The following PARD3B variants were observed in gnomAD, a reference collection of about 807,000 sequenced individuals.
The protein encoded by PARD3B is partitioning defective 3 homolog B.
In PARD3B, 103 loss-of-function variants were observed where a neutral mutation model predicts 130.2. The observed-to-expected ratio is 0.79, with a 90% CI of 0.67 to 0.93. The LOEUF is 0.93. Ranked by LOEUF, PARD3B falls within the 40% of genes least tolerant of loss-of-function variation. The probability of loss-of-function intolerance (pLI) is 0.00; values close to 1 mark genes in which losing one functional copy is unlikely to be tolerated. For missense variants in PARD3B, 1,609 were observed against 1,499.2 expected (o/e 1.07, Z -1.21); for synonymous variants, 583 against 553.2 (o/e 1.05, Z -0.76).
intron 2 of PARD3B, among the ~76,000 whole-genome samples, chr2:204,745,196 G>T (rs1404146539): frequency 6.6e-6 from 1 of 152,096 alleles, no homozygotes; most frequent in Non-Finnish European, 1.5e-5. Flanking sequence ...GCCAGGGTCT[G>T]TGCTATGGCC....
chr2:205,060,163 T>C, intron 4 of PARD3B, among the ~76,000 whole-genome samples: 1 of 152,100 alleles, frequency 6.6e-6, no homozygotes, highest in East Asian at 1.9e-4. Flanking sequence ...CTGCCATTGC[T>C]TTGGGCAATC....
intron 1 of PARD3B, among the ~76,000 whole-genome samples, chr2:204,584,319 A>G (rs2125085677): frequency 6.6e-6 from 1 of 152,338 alleles, no homozygotes; most frequent in African/African-American, 2.4e-5. Context: ...TTGAATATTT[A>G]GACATTGAGT....
chr2:205,046,375 T>G (rs1698781013), intron 3 of PARD3B, among the ~76,000 whole-genome samples: 1 of 152,000 alleles, frequency 6.6e-6, no homozygotes, highest in African/African-American at 2.4e-5. Context: ...TGTAGTGATG[T>G]CTCTTAATAA....
chr2:205,138,564 G>T (rs1329319624), intron 10 of PARD3B, among the ~76,000 whole-genome samples: 1 of 152,150 alleles, frequency 6.6e-6, no homozygotes, highest in African/African-American at 2.4e-5. Context: ...ACAATAAAGA[G>T]GGAGAAGAAT....
chr2:205,025,848 G>T (rs777449422), intron 3 of PARD3B, among the ~76,000 whole-genome samples: 4 of 152,124 alleles, frequency 2.6e-5, no homozygotes, highest in Non-Finnish European at 5.9e-5. Context: ...GACCTAATAA[G>T]TTGAGTCAGC....
chr2:204,718,117 G>A (rs763557717), intron 2 of PARD3B, among the ~76,000 whole-genome samples: 1 of 152,108 alleles, frequency 6.6e-6, no homozygotes, highest in Non-Finnish European at 1.5e-5. Flanking sequence ...GGGAAAAATT[G>A]TCAGGACCTG....
intron 2 of PARD3B, among the ~76,000 whole-genome samples, chr2:204,848,661 A>ATCTATCTATCTATCTATCTATCTATCTG (rs1432141586): frequency 6.6e-6 from 1 of 151,404 alleles, no homozygotes; most frequent in African/African-American, 2.4e-5. Flanking sequence ...CTATCTATCT[A>ATCTATCTATCTATCTATCTATCTATCTG]TCTGTCTGTC....
intron 2 of PARD3B, among the ~76,000 whole-genome samples, chr2:204,847,483 A>G (rs961591898): frequency 2.4e-4 from 36 of 152,182 alleles, no homozygotes; most frequent in African/African-American, 8.4e-4. Context: ...GGTTTCAGTT[A>G]TCTGTGGCCC....
intron 20 of PARD3B, among the ~76,000 whole-genome samples, chr2:205,479,116 A>G (rs886212287): frequency 1.4e-4 from 22 of 152,196 alleles, no homozygotes; most frequent in African/African-American, 4.8e-4. Flanking sequence ...TGAAGGATAT[A>G]TTTGTGGTGT....
chr2:205,538,687 A>C (rs1184000568), intron 21 of PARD3B, among the ~76,000 whole-genome samples: 1 of 152,190 alleles, frequency 6.6e-6, no homozygotes, highest in Non-Finnish European at 1.5e-5. Context: ...GTATCGGTGA[A>C]GAAGCTTCCG....
chr2:204,605,301 G>A (rs2033671591), intron 1 of PARD3B, among the ~76,000 whole-genome samples: 1 of 152,078 alleles, frequency 6.6e-6, no homozygotes, highest in African/African-American at 2.4e-5. Context: ...CACACTAATA[G>A]GCAGAAGGCA....
intron 1 of PARD3B, among the ~76,000 whole-genome samples, chr2:204,643,722 C>A (rs574010607): frequency 3.3e-5 from 5 of 151,860 alleles, no homozygotes; most frequent in Non-Finnish European, 7.4e-5. Flanking sequence ...TGCAGGGAAG[C>A]CAAAAGATTG....
At chr2:205,335,516 G>A (rs533765025) in intron 18 of PARD3B, among the ~76,000 whole-genome samples, 1 of 152,280 alleles carries the variant, frequency 6.6e-6, no homozygotes, top group Admixed American at 6.5e-5. Flanking sequence ...TTGGCACCAA[G>A]AGGCAAGAGA....
In PARD3B at chr2:205,105,159, T is replaced by G. The variant is rs1022750035; in HGVS notation, c.593+645T>G. ...CTTAGACAAGTTACTCATTTCTCTT[T>G]CTCTTAGTTTCTAGTCTGTAGAATG... On this transcript the variant is annotated intron_variant, in intron 5 of 22. Coordinates refer to ENST00000406610, the MANE Select transcript of PARD3B (RefSeq NM_001302769.2). This position sits in a 1 kb window ranked among gnomAD's most constrained non-coding sequence, Gnocchi z 4.0. Among the ~76,000 whole-genome samples, 5 of 152,180 alleles carry G rather than the reference T, an allele frequency of 3.3e-5. No homozygotes were observed. Among genetic ancestry groups the G allele is most frequent in the Admixed American group, 6.5e-5 (1 of 15,284 alleles).
At chr2:204,968,689 A>G (rs186922680) in intron 3 of PARD3B, among the ~76,000 whole-genome samples, 9 of 152,354 alleles carry the variant, frequency 5.9e-5, no homozygotes, top group Admixed American at 2.6e-4. Context: ...TTCAAGCTCA[A>G]ATATGACCTT....
intron 20 of PARD3B, among the ~76,000 whole-genome samples, chr2:205,441,574 T>C (rs1029538223): frequency 8.5e-5 from 13 of 152,172 alleles, no homozygotes; most frequent in African/African-American, 2.9e-4. Flanking sequence ...AGACTTGTTT[T>C]CCAGACTTCT....
intron 2 of PARD3B, among the ~76,000 whole-genome samples, chr2:204,940,432 C>G (rs1688810193): frequency 6.6e-6 from 1 of 150,908 alleles, no homozygotes; most frequent in African/African-American, 2.4e-5. Flanking sequence ...AGTGACTGTG[C>G]AGAAGGACAG....
At chr2:204,749,016 G>T in intron 2 of PARD3B, among the ~76,000 whole-genome samples, 1 of 151,438 alleles carries the variant, frequency 6.6e-6, no homozygotes, top group Non-Finnish European at 1.5e-5. Flanking sequence ...TAATATCAAG[G>T]GTAAAATTTT....
Position 205,274,913 on chromosome 2 carries a change from G to A in PARD3B, c.2186-25617G>A, listed in dbSNP as rs1232720227. On this transcript the variant is annotated intron_variant, in intron 16 of 22. Coordinates refer to ENST00000406610, the MANE Select transcript of PARD3B (RefSeq NM_001302769.2). The surrounding 1 kb of genome is among the most constrained non-coding windows in gnomAD (Gnocchi z 4.2). ...CATTTTACTAAATATTCTTTCTTCAGCCAATTCCCATGTTTATCATTTCCT... is the reference window on the plus strand; with the variant it reads ...CATTTTACTAAATATTCTTTCTTCAACCAATTCCCATGTTTATCATTTCCT... Among the ~76,000 whole-genome samples, 2 of 152,104 alleles carry A rather than the reference G, an allele frequency of 1.3e-5. No individual in the cohort carries two copies. The highest frequency in any genetic ancestry group is 2.9e-5 in the Non-Finnish European group (2 of 68,014).
Sources: allele counts gnomAD v4.1 joint callset (sites outside exome capture counted in the v4.1 genomes callset), GRCh38; gene constraint gnomAD v4.1.1; non-coding constraint Gnocchi (gnomAD v3.1); transcripts MANE v1.5; gene names NCBI Gene and HGNC (gene_info 2026-07-23, HGNC 2026-07-21).